The following NIM1K variants were observed in gnomAD, a reference collection of about 807,000 sequenced individuals.
NIM1K encodes the protein serine/threonine-protein kinase NIM1.
Under a neutral mutation model 37.1 loss-of-function variants are expected in NIM1K, and 35 were observed. That is an observed-to-expected ratio of 0.94 (90% CI 0.72 to 1.25). The LOEUF (loss-of-function observed/expected upper bound fraction) is 1.25, where lower values mean the gene tolerates loss of function less well. Ranked by LOEUF, NIM1K falls within the 50% of genes most tolerant of loss-of-function variation. NIM1K has a pLI of 0.00. For missense variants in NIM1K, 564 were observed against 548.0 expected, an observed-to-expected ratio of 1.03 and a Z score of -0.29; for synonymous variants, 234 against 206.6, an observed-to-expected ratio of 1.13 and a Z score of -1.14.
intron 1 of NIM1K, chr5:43,233,312 TAAA>T: frequency 1.3e-5 from 4 of 302,980 alleles, no homozygotes; most frequent in Non-Finnish European, 1.2e-5. Context: ...GAGTGACACT[TAAA>T]AAAAAAAAAA....
At chr5:43,261,846 G>A (rs1753035863) in intron 2 of NIM1K, among the ~76,000 whole-genome samples, 1 of 152,162 alleles carries the variant, frequency 6.6e-6, no homozygotes, top group Non-Finnish European at 1.5e-5. Flanking sequence ...AGTTTTCCCA[G>A]CACCACTTAT....
At chr5:43,228,036 C>A (rs1561079687) in intron 1 of NIM1K, among the ~76,000 whole-genome samples, 2 of 152,156 alleles carry the variant, frequency 1.3e-5, no homozygotes, top group Non-Finnish European at 2.9e-5. Context: ...TATTCCATGA[C>A]CTCACTTGGT....
In NIM1K at chr5:43,245,670, C is replaced by T. The variant is rs1437410937; in HGVS notation, c.-106C>T. On this transcript the variant is annotated 5_prime_UTR_variant, in exon 2 of 4. Coordinates refer to ENST00000326035, the MANE Select transcript of NIM1K (RefSeq NM_153361.4). ...AGCTCTCAGGAAAACTCTTTTGAAC[C>T]CTGGGCACCTGCTGTCCTCAGTTGG... 2 of 1,112,230 alleles carry T rather than the reference C, an allele frequency of 1.8e-6. No homozygotes were observed. The highest frequency in any genetic ancestry group is 2.6e-6 in the Non-Finnish European group (2 of 784,116). The allele number at this position is 1,112,230 out of a possible 1,614,324, so 68.9% of individuals were successfully genotyped here. A position where few individuals can be genotyped will look rare whatever the true frequency, so the allele number is the denominator to read the frequency against.
chr5:43,266,723 C>T (rs1377589352), intron 2 of NIM1K, among the ~76,000 whole-genome samples: 3 of 152,206 alleles, frequency 2.0e-5, no homozygotes, highest in Non-Finnish European at 4.4e-5. Context: ...TAGACTGGAG[C>T]TGTTCCTATT....
At chr5:43,206,661 C>G (rs550132255) in intron 1 of NIM1K, 5 of 686,714 alleles carry the variant, frequency 7.3e-6, no homozygotes, top group South Asian at 4.5e-5. Flanking sequence ...CTCGGCCCCC[C>G]AGTCTCCCAA....
intron 1 of NIM1K, among the ~76,000 whole-genome samples, chr5:43,216,729 G>T (rs968197353): frequency 1.3e-5 from 2 of 152,150 alleles, no homozygotes; most frequent in Non-Finnish European, 2.9e-5. Context: ...CAGTAGGCAG[G>T]ATCTAAATAA....
intron 1 of NIM1K, among the ~76,000 whole-genome samples, chr5:43,237,177 G>T (rs552935182): frequency 9.3e-4 from 141 of 152,268 alleles, no homozygotes; most frequent in African/African-American, 1.3e-3. Context: ...CAATGAAAAG[G>T]TTGCCTAAGA....
At chr5:43,236,941 A>C (rs979550554) in intron 1 of NIM1K, among the ~76,000 whole-genome samples, 3 of 152,240 alleles carry the variant, frequency 2.0e-5, no homozygotes, top group African/African-American at 7.2e-5. Context: ...GGATCTTGAC[A>C]TGTGTGCTGA....
intron 1 of NIM1K, among the ~76,000 whole-genome samples, chr5:43,227,783 G>T (rs529360831): frequency 1.3e-5 from 2 of 152,174 alleles, no homozygotes; most frequent in Admixed American, 6.5e-5. Context: ...GTCCAGAAGG[G>T]GGCAATGTGA....
At position 43,245,983 on chromosome 5, in the gene NIM1K, C is replaced by T. The variant is rs777253367; in HGVS notation, c.208C>T (p.Arg70Trp). 5.6e-6 allele frequency: 9 copies of T among 1,614,068 alleles called. 1 individual carries two copies. The highest frequency in any genetic ancestry group is 3.3e-4 in the Middle Eastern group (2 of 6,062). ...GGTGAGGGAGATCACGCTGGGGAAA[C>T]GGATAGGCTTCTACCGAATTCGAGG... The part of the protein sequence containing the change: ...KVVREITLGK[R>W]IGFYRIRGEI... Residue 70 changes from arginine (R) to tryptophan (W), a missense_variant, in exon 2 of 4, where the codon CGG becomes TGG. Arg to Trp is a moderately radical substitution (Grantham distance 101). Coordinates refer to ENST00000326035, the MANE Select transcript of NIM1K (RefSeq NM_153361.4).
intron 1 of NIM1K, chr5:43,193,477 TC>T (rs1365262161): frequency 1.6e-5 from 2 of 124,694 alleles, no homozygotes; most frequent in African/African-American, 6.0e-5. Context: ...CCATTCCTCA[TC>T]CCGTTTCAAA....
At chr5:43,272,946 C>G (rs1028029728) in intron 2 of NIM1K, among the ~76,000 whole-genome samples, 1 of 152,118 alleles carries the variant, frequency 6.6e-6, no homozygotes, top group Non-Finnish European at 1.5e-5. Flanking sequence ...AATAACCTTG[C>G]TTTGCTATTA....
intron 1 of NIM1K, among the ~76,000 whole-genome samples, chr5:43,195,539 A>G (rs1380978964): frequency 1.3e-5 from 2 of 151,932 alleles, no homozygotes. Flanking sequence ...GCATGCCTGT[A>G]GTCCCAGCTA....
At chr5:43,265,188 C>G (rs1753116242) in intron 2 of NIM1K, among the ~76,000 whole-genome samples, 1 of 152,230 alleles carries the variant, frequency 6.6e-6, no homozygotes, top group South Asian at 2.1e-4. Flanking sequence ...GGGAAGTTCT[C>G]CTGGATAATA....
intron 2 of NIM1K, among the ~76,000 whole-genome samples, chr5:43,276,685 TG>T (rs1313743282): frequency 1.3e-5 from 2 of 152,208 alleles, no homozygotes; most frequent in Non-Finnish European, 2.9e-5. Flanking sequence ...AGTTCTGTAT[TG>T]GTTGCAATGA....
At chr5:43,225,731 A>ATT (rs906389804) in intron 1 of NIM1K, 52 of 155,088 alleles carry the variant, frequency 3.4e-4, no homozygotes, top group African/African-American at 1.2e-3. Flanking sequence ...TCTGCCATTC[A>ATT]TTTCAGTAGC....
chr5:43,260,933 C>A (rs1404588104), intron 2 of NIM1K, among the ~76,000 whole-genome samples: 1 of 152,192 alleles, frequency 6.6e-6, no homozygotes, highest in Non-Finnish European at 1.5e-5. Flanking sequence ...CTGCAAAGGA[C>A]ATGAACTCAT....
chr5:43,248,922 T>C (rs2112266589), intron 2 of NIM1K, among the ~76,000 whole-genome samples: 1 of 151,838 alleles, frequency 6.6e-6, no homozygotes, highest in Admixed American at 6.6e-5. Flanking sequence ...TCACCGAGGC[T>C]GGAGTGCAAT....
chr5:43,232,214 C>T (rs762711859), intron 1 of NIM1K: 43 of 1,003,444 alleles, frequency 4.3e-5, no homozygotes, highest in Middle Eastern at 3.2e-4. Flanking sequence ...CATGTCACCA[C>T]GGTAAAACAG....
Sources: gnomAD v4.1 joint callset for allele counts (sites outside exome capture counted in the v4.1 genomes callset) on GRCh38, gnomAD v4.1.1 for gene constraint, MANE v1.5 for transcripts, NCBI Gene and HGNC (gene_info 2026-07-23, HGNC 2026-07-21) for gene names.